The following SYN3 variants were observed in gnomAD, a reference collection of about 807,000 sequenced individuals.
SYN3 encodes the protein synapsin III, also known as synapsin-3.
A neutral mutation model predicts 65.8 loss-of-function variants in SYN3; 35 were observed. That is an observed-to-expected ratio of 0.53 (90% CI 0.41 to 0.70). SYN3 has a LOEUF of 0.70. SYN3 is among the 30% of genes least tolerant of loss of function. The pLI is 0.00. For synonymous variants in SYN3, 270 were observed against 292.9 expected (o/e 0.92, Z 0.80); for missense variants, 680 against 749.0 (o/e 0.91, Z 1.08).
chr22:32,607,072 T>G (rs1040878533), intron 6 of SYN3, among the ~76,000 whole-genome samples: 1 of 143,848 alleles, frequency 7.0e-6, no homozygotes, highest in African/African-American at 2.5e-5. Flanking sequence ...CATGTCTGCA[T>G]GCTTCAGAAG....
chr22:32,940,583 G>A (rs1172870925), intron 3 of SYN3, among the ~76,000 whole-genome samples: 1 of 151,974 alleles, frequency 6.6e-6, no homozygotes, highest in South Asian at 2.1e-4. Flanking sequence ...TTTTCATATG[G>A]TTATTCATAT....
intron 2 of SYN3, among the ~76,000 whole-genome samples, chr22:32,985,972 C>T (rs576862173): frequency 3.9e-5 from 6 of 152,202 alleles, no homozygotes. Context: ...GCTGCACTTA[C>T]AACCATTCCA....
intron 6 of SYN3, among the ~76,000 whole-genome samples, chr22:32,729,667 C>G (rs7284750): frequency 0.028 from 4,315 of 152,276 alleles, 197 homozygotes; most frequent in African/African-American, 0.099. Context: ...GACTTGCAAT[C>G]TAATCTATTT....
rs2057691213 is a variant in SYN3, at chr22:32,511,529, G to C, written c.*2163C>G. Among the ~76,000 whole-genome samples, 3 of 152,236 alleles carry C rather than the reference G, an allele frequency of 2.0e-5. No individual in the cohort carries two copies. The highest frequency in any genetic ancestry group is 2.0e-4 in the Admixed American group (3 of 15,292). ...AGGGAGATGTGTTACTGGGCAGAGT[G>C]AGCTCCAGACATGCCAGACATGCAG... On this transcript the variant is annotated 3_prime_UTR_variant, in exon 14 of 14. Transcript: ENST00000358763.
intron 6 of SYN3, chr22:32,857,379 T>G: frequency 1.3e-6 from 2 of 1,596,656 alleles, no homozygotes; most frequent in Non-Finnish European, 8.6e-7. Flanking sequence ...CAACTCTAGC[T>G]TCTAGGCCAG....
intron 7 of SYN3, among the ~76,000 whole-genome samples, chr22:32,586,068 G>A (rs13055847): frequency 1.1e-4 from 15 of 132,700 alleles, no homozygotes; most frequent in African/African-American, 4.2e-4. Context: ...ATGTATATAT[G>A]TATACATGTA....
At chr22:33,010,482 G>A (rs1432784023) in intron 1 of SYN3, among the ~76,000 whole-genome samples, 1 of 152,276 alleles carries the variant, frequency 6.6e-6, no homozygotes, top group East Asian at 1.9e-4. Context: ...CCAATTGGCT[G>A]TACATGTGTG....
chr22:32,755,863 C>T (rs1466680324), intron 6 of SYN3, among the ~76,000 whole-genome samples: 106 of 152,032 alleles, frequency 7.0e-4, no homozygotes, highest in Non-Finnish European at 5.9e-5. Flanking sequence ...AAACGTGGCC[C>T]ATATGCACCA....
intron 4 of SYN3, among the ~76,000 whole-genome samples, chr22:32,881,575 G>C (rs1456389975): frequency 6.6e-6 from 1 of 152,132 alleles, no homozygotes; most frequent in African/African-American, 2.4e-5. Context: ...TCCGCCCCCA[G>C]AGCACCCAGG....
chr22:32,869,247 G>C, intron 4 of SYN3, 122 bp from the exon 5 acceptor site: 3 of 1,032,484 alleles, frequency 2.9e-6, no homozygotes, highest in Non-Finnish European at 2.8e-6. Flanking sequence ...TCAGAAGTGG[G>C]AGCAGGTGGG....
At chr22:32,737,899 C>A (rs5998605) in intron 6 of SYN3, among the ~76,000 whole-genome samples, 49,493 of 152,002 alleles carry the variant, frequency 0.33, 8,186 homozygotes, top group South Asian at 0.44. Flanking sequence ...TTCTGCCATG[C>A]TGATCATGGA....
At chr22:32,656,860 G>A (rs2060147959) in intron 6 of SYN3, among the ~76,000 whole-genome samples, 1 of 152,264 alleles carries the variant, frequency 6.6e-6, no homozygotes, top group Non-Finnish European at 1.5e-5. Flanking sequence ...TCACTGCAGG[G>A]CATTGTGGGA....
rs1037349955 is a variant in SYN3 at position 32,756,337 on chromosome 22, G to A, written c.711+108578C>T. ...ACCTAATGTTAAATGACGAGTTAAT[G>A]GGTGCAGCACACCAACATGGCACAT... On this transcript the variant is annotated intron_variant, in intron 6 of 13. Transcript: ENST00000358763. Among the ~76,000 whole-genome samples the A allele has an allele frequency of 9.9e-5, 15 of 152,234 alleles. No individual in the cohort carries two copies. The East Asian group carries it at 2.9e-3, about 29-fold the overall frequency.
intron 4 of SYN3, among the ~76,000 whole-genome samples, chr22:32,892,795 C>T (rs2146484321): frequency 6.6e-6 from 1 of 152,192 alleles, no homozygotes; most frequent in South Asian, 2.1e-4. Context: ...ATCAGGGAGG[C>T]TGCATGAATG....
chr22:32,810,018 C>T (rs992679807), intron 6 of SYN3, among the ~76,000 whole-genome samples: 1 of 152,318 alleles, frequency 6.6e-6, no homozygotes, highest in African/African-American at 2.4e-5. Flanking sequence ...GTTGAGGTCC[C>T]TATCCTTTCA....
At chr22:32,925,899 C>T (rs570945306) in intron 4 of SYN3, among the ~76,000 whole-genome samples, 1 of 127,554 alleles carries the variant, frequency 7.8e-6, no homozygotes, top group South Asian at 2.5e-4. Context: ...GGGTCTCAAT[C>T]TGTCATCCAG....
At chr22:32,999,540 G>A (rs149735549) in intron 2 of SYN3, among the ~76,000 whole-genome samples, 95 of 152,236 alleles carry the variant, frequency 6.2e-4, no homozygotes, top group Non-Finnish European at 1.1e-3. Context: ...AAAATTAGCT[G>A]GGCGTGGTGG....
At chr22:33,009,882 G>C (rs1451901138) in intron 1 of SYN3, among the ~76,000 whole-genome samples, 1 of 151,302 alleles carries the variant, frequency 6.6e-6, no homozygotes, top group Non-Finnish European at 1.5e-5. Flanking sequence ...TTATTTTTAT[G>C]AAACCTAATT....
At chr22:33,050,131 C>T (rs2054138589) in intron 1 of SYN3, among the ~76,000 whole-genome samples, 1 of 152,108 alleles carries the variant, frequency 6.6e-6, no homozygotes, top group South Asian at 2.1e-4. Flanking sequence ...GTCAACTCAT[C>T]AAGTGACATG....
Sources: gnomAD v4.1 joint callset for allele counts (sites outside exome capture counted in the v4.1 genomes callset) on GRCh38, gnomAD v4.1.1 for gene constraint, MANE v1.5 for transcripts, NCBI Gene and HGNC (gene_info 2026-07-23, HGNC 2026-07-21) for gene names.